UBE2V2: variants seen among roughly 807,000 people sequenced by gnomAD.
UBE2V2 encodes ubiquitin-conjugating enzyme E2 variant 2.
In UBE2V2, 9 loss-of-function variants were observed where a neutral mutation model predicts 17.2. That is an observed-to-expected ratio of 0.52 (90% CI 0.32 to 0.91). The LOEUF (loss-of-function observed/expected upper bound fraction) is 0.91, where lower values mean the gene tolerates loss of function less well. Ranked by LOEUF, UBE2V2 falls within the 40% of genes least tolerant of loss-of-function variation. The pLI is 0.04. For synonymous variants in UBE2V2, 61 were observed against 57.5 expected, an observed-to-expected ratio of 1.06 and a Z score of -0.28; for missense variants, 133 against 182.6, an observed-to-expected ratio of 0.73 and a Z score of 1.56.
chr8:48,018,889 C>G (rs1341886329), intron 1 of UBE2V2, among the ~76,000 whole-genome samples: 3 of 152,144 alleles, frequency 2.0e-5, no homozygotes, highest in African/African-American at 7.2e-5. Flanking sequence ...TTTGTTATTA[C>G]ATAATGACCT....
chr8:48,014,147 TG>T (rs1163801899), intron 1 of UBE2V2, among the ~76,000 whole-genome samples: 1 of 152,208 alleles, frequency 6.6e-6, no homozygotes, highest in Non-Finnish European at 1.5e-5. Context: ...CTAGGTCATT[TG>T]GGAGCCTGAA....
intron 1 of UBE2V2, among the ~76,000 whole-genome samples, chr8:48,036,889 A>G (rs565010174): frequency 2.6e-5 from 4 of 152,064 alleles, no homozygotes; most frequent in East Asian, 3.9e-4. Flanking sequence ...TAGTTAATAT[A>G]TATGAGCTGG....
At chr8:48,055,972 A>G (rs1301769130) in intron 3 of UBE2V2, among the ~76,000 whole-genome samples, 1 of 151,924 alleles carries the variant, frequency 6.6e-6, no homozygotes, top group Non-Finnish European at 1.5e-5. Flanking sequence ...GTTAGCCAGG[A>G]TGGTCTGTAT....
At chr8:48,045,087 C>G (rs1440231070) in intron 2 of UBE2V2, among the ~76,000 whole-genome samples, 1 of 152,180 alleles carries the variant, frequency 6.6e-6, no homozygotes, top group African/African-American at 2.4e-5. Flanking sequence ...CTCTGCAACT[C>G]TCTCCCCTCT....
chr8:48,042,945 A>T, intron 1 of UBE2V2, 88 bp from the exon 2 acceptor site: 1 of 1,273,364 alleles, frequency 7.9e-7, no homozygotes. Context: ...TAATTTATAA[A>T]GGTTAATTTG....
the UBE2V2 span, among the ~76,000 whole-genome samples, chr8:47,998,507 G>A: frequency 1.3e-5 from 2 of 151,856 alleles, no homozygotes; most frequent in Non-Finnish European, 2.9e-5. Context: ...AGAGACAGGC[G>A]GTCAAGGGTT....
chr8:48,026,807 A>G (rs2091349353), intron 1 of UBE2V2, among the ~76,000 whole-genome samples: 1 of 152,034 alleles, frequency 6.6e-6, no homozygotes, highest in Admixed American at 6.6e-5. Context: ...ATTTTTGTTT[A>G]TTCATTCATC....
rs995195158 is a variant in UBE2V2, at chr8:48,061,309, G to A, written c.*481G>A. 2.6e-5 allele frequency: 4 copies of A among 152,582 alleles called. No homozygotes were observed. Among genetic ancestry groups the A allele is most frequent in the African/African-American group, 9.6e-5 (4 of 41,458 alleles). 9.5% of individuals were successfully genotyped at this position (152,582 alleles called of 1,614,324 possible). ...GCAATGTGGGTGCTGACTACTAGTA[G>A]TATCAAAAATATGTTCAGGATTGTT... On this transcript the variant is annotated 3_prime_UTR_variant, in exon 4 of 4. Coordinates refer to ENST00000523111, the MANE Select transcript of UBE2V2 (RefSeq NM_003350.3).
intron 1 of UBE2V2, among the ~76,000 whole-genome samples, chr8:48,023,731 C>T (rs1457517636): frequency 6.6e-6 from 1 of 151,868 alleles, no homozygotes. Context: ...AAAAAATTAG[C>T]CAGGCATGAT....
chr8:48,028,272 A>G (rs890966817), intron 1 of UBE2V2, among the ~76,000 whole-genome samples: 1 of 151,066 alleles, frequency 6.6e-6, no homozygotes, highest in African/African-American at 2.4e-5. Context: ...GGTTCAAGTG[A>G]TCCTCCCACG....
intron 1 of UBE2V2, among the ~76,000 whole-genome samples, chr8:48,033,386 G>C (rs562660958): frequency 6.6e-6 from 1 of 151,658 alleles, no homozygotes. Context: ...GGGTTTCACC[G>C]TGTTGGCCAG....
At chr8:48,025,822 A>C (rs573600571) in intron 1 of UBE2V2, among the ~76,000 whole-genome samples, 1 of 151,048 alleles carries the variant, frequency 6.6e-6, no homozygotes, top group South Asian at 2.1e-4. Context: ...GGATGGTCTC[A>C]ATCTCCTGAC....
chr8:47,998,109 G>A, the UBE2V2 span, among the ~76,000 whole-genome samples: 4 of 152,132 alleles, frequency 2.6e-5, no homozygotes, highest in African/African-American at 9.6e-5. Context: ...CTCTGAGCAC[G>A]TTGGAATCGA....
At chr8:48,043,874 A>G (rs1159060634) in intron 2 of UBE2V2, among the ~76,000 whole-genome samples, 2 of 149,850 alleles carry the variant, frequency 1.3e-5, no homozygotes, top group African/African-American at 4.9e-5. Context: ...TCTTGGGTTT[A>G]TGAAGTTTTA....
At chr8:48,028,341 T>C (rs1177833278) in intron 1 of UBE2V2, among the ~76,000 whole-genome samples, 1 of 148,366 alleles carries the variant, frequency 6.7e-6, no homozygotes, top group Non-Finnish European at 1.5e-5. Flanking sequence ...CTGTTTTCTT[T>C]TTTTTTTTTT....
intron 3 of UBE2V2, among the ~76,000 whole-genome samples, chr8:48,052,463 T>C (rs1271520076): frequency 6.6e-6 from 1 of 152,210 alleles, no homozygotes; most frequent in Non-Finnish European, 1.5e-5. Context: ...CAGTAGTTGA[T>C]ATTTTGCCTC....
At chr8:48,013,359 G>C (rs1300332339) in intron 1 of UBE2V2, among the ~76,000 whole-genome samples, 1 of 150,504 alleles carries the variant, frequency 6.6e-6, no homozygotes, top group Non-Finnish European at 1.5e-5. Flanking sequence ...CCAGGCTGGA[G>C]TGCAGTGGCG....
chr8:48,023,635 G>A (rs1294474317), intron 1 of UBE2V2, among the ~76,000 whole-genome samples: 1 of 152,060 alleles, frequency 6.6e-6, no homozygotes, highest in Non-Finnish European at 1.5e-5. Context: ...ACTTTGGAAG[G>A]CCAAGGCAGG....
chr8:48,062,080 A>G lies in UBE2V2; in HGVS notation c.*1252A>G, dbSNP rs1408822589. On this transcript the variant is annotated 3_prime_UTR_variant, in exon 4 of 4. Transcript: ENST00000523111. Reference sequence around the variant, plus strand: ...AGTCATTTATGTTCCGCTTTCACCAAAGTGACGTGAGGCTTTAGGTCACTG... The same window carrying G: ...AGTCATTTATGTTCCGCTTTCACCAGAGTGACGTGAGGCTTTAGGTCACTG... 1 of 152,196 alleles carries G rather than the reference A, an allele frequency of 6.6e-6. No homozygotes were observed. Among genetic ancestry groups the G allele is most frequent in the Non-Finnish European group, 1.5e-5 (1 of 68,032 alleles). The allele number at this position is 152,196 out of a possible 1,614,324, so 9.4% of individuals were successfully genotyped here.
Sources: allele counts gnomAD v4.1 joint callset (sites outside exome capture counted in the v4.1 genomes callset), GRCh38; gene constraint gnomAD v4.1.1; transcripts MANE v1.5; gene names NCBI Gene and HGNC (gene_info 2026-07-23, HGNC 2026-07-21).